PRDM5: variants seen among roughly 807,000 people sequenced by gnomAD.
PRDM5 encodes PR domain zinc finger protein 5.
Under a neutral mutation model 81.2 loss-of-function variants are expected in PRDM5, and 56 were observed. That is an observed-to-expected ratio of 0.69 (90% CI 0.56 to 0.86). PRDM5 has a LOEUF of 0.86. Ranked by LOEUF, PRDM5 falls within the 40% of genes least tolerant of loss-of-function variation. The pLI is 0.00. For synonymous variants in PRDM5, 267 were observed against 256.4 expected (o/e 1.04, Z -0.39); for missense variants, 697 against 770.1 (o/e 0.91, Z 1.12).
rs139353329 is a variant in PRDM5 at position 120,917,503 on chromosome 4, C to G, written c.93+5013G>C. On this transcript the variant is annotated intron_variant, in intron 1 of 15. Coordinates refer to ENST00000264808, the MANE Select transcript of PRDM5 (RefSeq NM_018699.4). Reference sequence around the variant, plus strand: ...GTCTGTTATCTTGTGTCTTCCCTCACTGGACTGCAAGCTCCCCAAGAGCCA... The same window carrying G: ...GTCTGTTATCTTGTGTCTTCCCTCAGTGGACTGCAAGCTCCCCAAGAGCCA... Among the ~76,000 whole-genome samples, 819 of 152,110 alleles carry G rather than the reference C, an allele frequency of 5.4e-3. 9 individuals are homozygous for G. Among genetic ancestry groups the G allele is most frequent in the African/African-American group, 0.019 (773 of 41,496 alleles).
chr4:120,744,930 A>G (rs1742748280), intron 14 of PRDM5, among the ~76,000 whole-genome samples: 1 of 118,492 alleles, frequency 8.4e-6, no homozygotes, highest in African/African-American at 3.3e-5. Context: ...AACTCATTTT[A>G]TAAGGCCAGC....
intron 3 of PRDM5, chr4:120,837,392 C>T (rs1282305787): frequency 6.6e-6 from 1 of 152,082 alleles, no homozygotes; most frequent in Non-Finnish European, 1.5e-5. Context: ...TAGAGTTTCC[C>T]TATGGGTTCT....
intron 14 of PRDM5, among the ~76,000 whole-genome samples, chr4:120,741,546 G>C (rs921531456): frequency 2.0e-5 from 3 of 151,844 alleles, no homozygotes; most frequent in Non-Finnish European, 2.9e-5. Flanking sequence ...GTGCCAGACA[G>C]TGAGCGCAGG....
At chr4:120,834,615 A>T (rs1212483951) in intron 3 of PRDM5, among the ~76,000 whole-genome samples, 1 of 152,208 alleles carries the variant, frequency 6.6e-6, no homozygotes, top group Non-Finnish European at 1.5e-5. Context: ...TGGAGTGTCC[A>T]GATATTTGGT....
intron 15 of PRDM5, among the ~76,000 whole-genome samples, chr4:120,709,603 GT>G (rs1736661962): frequency 6.6e-6 from 1 of 152,122 alleles, no homozygotes; most frequent in Non-Finnish European, 1.5e-5. Context: ...ATTCTGCACT[GT>G]GCCATATCAC....
downstream of PRDM5, among the ~76,000 whole-genome samples, chr4:120,688,645 T>G (rs566019954): frequency 6.6e-6 from 1 of 152,308 alleles, no homozygotes; most frequent in South Asian, 2.1e-4. Context: ...TTGAGTTAAT[T>G]TTTGTATATG....
chr4:120,878,321 C>A (rs1762523346), intron 2 of PRDM5, among the ~76,000 whole-genome samples: 1 of 152,186 alleles, frequency 6.6e-6, no homozygotes, highest in South Asian at 2.1e-4. Flanking sequence ...AAAGGATAGT[C>A]TTTTCAACAA....
At chr4:120,687,930 T>C (rs1733898080), downstream of PRDM5, among the ~76,000 whole-genome samples, 2 of 152,150 alleles carry the variant, frequency 1.3e-5, no homozygotes, top group Non-Finnish European at 2.9e-5. Context: ...TACATTTTCA[T>C]CCATTATAAA....
At chr4:120,750,935 G>A (rs1350390704) in intron 14 of PRDM5, among the ~76,000 whole-genome samples, 2 of 152,062 alleles carry the variant, frequency 1.3e-5, no homozygotes, top group African/African-American at 2.4e-5. Flanking sequence ...ATGAAAAAAT[G>A]GGCAATTTCA....
At chr4:120,832,875 G>C (rs1756890461) in intron 3 of PRDM5, among the ~76,000 whole-genome samples, 1 of 152,070 alleles carries the variant, frequency 6.6e-6, no homozygotes, top group African/African-American at 2.4e-5. Flanking sequence ...AAAAAGATTA[G>C]ACAAGTAACT....
intron 2 of PRDM5, among the ~76,000 whole-genome samples, chr4:120,886,928 A>G (rs548077462): frequency 2.0e-5 from 3 of 150,546 alleles, no homozygotes; most frequent in African/African-American, 7.3e-5. Context: ...CTTAAAAGTC[A>G]TTCTTGACTC....
intron 3 of PRDM5, among the ~76,000 whole-genome samples, chr4:120,844,745 C>T (rs997637467): frequency 6.6e-6 from 1 of 152,192 alleles, no homozygotes; most frequent in African/African-American, 2.4e-5. Flanking sequence ...ACGTCTCTCA[C>T]TTTAAATCAA....
intron 14 of PRDM5, among the ~76,000 whole-genome samples, chr4:120,727,078 T>C (rs1739525054): frequency 6.6e-6 from 1 of 152,242 alleles, no homozygotes; most frequent in Non-Finnish European, 1.5e-5. Context: ...ACTGCTTACA[T>C]GTCTGAAAAC....
chr4:120,807,301 C>G (rs965641042), intron 8 of PRDM5, among the ~76,000 whole-genome samples: 1 of 152,182 alleles, frequency 6.6e-6, no homozygotes, highest in Non-Finnish European at 1.5e-5. Flanking sequence ...GTGATTCCTC[C>G]GGGAGCTAGA....
intron 2 of PRDM5, among the ~76,000 whole-genome samples, chr4:120,881,634 A>G (rs1762853645): frequency 6.6e-6 from 1 of 152,192 alleles, no homozygotes. Context: ...ACTCTACACC[A>G]CAAGTTCATT....
intron 14 of PRDM5, among the ~76,000 whole-genome samples, chr4:120,735,609 T>C (rs1016896620): frequency 3.3e-5 from 5 of 152,180 alleles, no homozygotes; most frequent in Admixed American, 6.5e-5. Context: ...ATACAGTCTT[T>C]TGATTTTAAC....
intron 14 of PRDM5, 24 bp from the exon 15 acceptor site, chr4:120,710,437 C>A (rs1360909910): frequency 6.3e-7 from 1 of 1,590,592 alleles, no homozygotes; most frequent in East Asian, 2.2e-5. Flanking sequence ...AAAGAGACCA[C>A]CAAAATTGCC....
At chr4:120,796,586 C>T (rs28488919) in intron 10 of PRDM5, among the ~76,000 whole-genome samples, 8,102 of 152,188 alleles carry the variant, frequency 0.053, 352 homozygotes, top group Middle Eastern at 0.15. Flanking sequence ...TTTACAGTCA[C>T]GTAATTCCAA....
At chr4:120,690,707 T>C (rs931838314), downstream of PRDM5, among the ~76,000 whole-genome samples, 2 of 150,588 alleles carry the variant, frequency 1.3e-5, no homozygotes, top group Non-Finnish European at 2.9e-5. Context: ...TTCATTTTTA[T>C]ACTATTTTAA....
Sources: gnomAD v4.1 joint callset for allele counts (sites outside exome capture counted in the v4.1 genomes callset) on GRCh38, gnomAD v4.1.1 for gene constraint, MANE v1.5 for transcripts, NCBI Gene and HGNC (gene_info 2026-07-23, HGNC 2026-07-21) for gene names.